The following UGGT2 variants were observed in gnomAD, a reference collection of about 807,000 sequenced individuals.
The protein encoded by UGGT2 is UDP-glucose:glycoprotein glucosyltransferase 2.
Under a neutral mutation model 192.1 loss-of-function variants are expected in UGGT2, and 180 were observed. The ratio of observed to expected loss-of-function variants is 0.94; its 90% CI spans 0.83 to 1.06. The LOEUF is 1.06. UGGT2 is among the 50% of genes least tolerant of loss of function. The pLI, the probability that UGGT2 is intolerant of heterozygous loss-of-function variation, is 0.00. For synonymous variants in UGGT2, 580 were observed against 591.0 expected (o/e 0.98, Z 0.27); for missense variants, 1,849 against 1,795.7 (o/e 1.03, Z -0.54).
At chr13:95,831,882 T>C (rs1886732539) in intron 38 of UGGT2, among the ~76,000 whole-genome samples, 1 of 151,944 alleles carries the variant, frequency 6.6e-6, no homozygotes, top group Non-Finnish European at 1.5e-5. Flanking sequence ...CCCTTTGTCA[T>C]CCTACTTCTC....
chr13:95,867,588 G>A (rs1020282450), intron 29 of UGGT2, among the ~76,000 whole-genome samples, 165 bp from the exon 30 acceptor site: 10 of 151,980 alleles, frequency 6.6e-5, no homozygotes, highest in African/African-American at 1.7e-4. Flanking sequence ...ATAATATGCT[G>A]TAATTTTCAA....
intron 4 of UGGT2, among the ~76,000 whole-genome samples, chr13:96,018,331 C>T (rs2052402296): frequency 2.0e-5 from 3 of 152,004 alleles, no homozygotes; most frequent in African/African-American, 4.8e-5. Context: ...GCCTGGGCAA[C>T]ATAGCAAGAC....
At chr13:95,949,703 T>C (rs1453400555) in intron 12 of UGGT2, among the ~76,000 whole-genome samples, 51 of 152,212 alleles carry the variant, frequency 3.4e-4, no homozygotes, top group Non-Finnish European at 2.9e-5. Context: ...TTGTTTTTCA[T>C]ATCCCAACGT....
At chr13:95,909,374 T>C (rs1185225889) in intron 20 of UGGT2, among the ~76,000 whole-genome samples, 2 of 151,500 alleles carry the variant, frequency 1.3e-5, no homozygotes, top group Non-Finnish European at 2.9e-5. Flanking sequence ...AATGATAGAC[T>C]GGATTAAGAA....
chr13:95,884,709 G>T, intron 26 of UGGT2, 29 bp from the exon 27 acceptor site: 1 of 1,565,288 alleles, frequency 6.4e-7, no homozygotes, highest in African/African-American at 1.4e-5. Context: ...AATACATAAT[G>T]TGACCAAAAC....
rs760427384 is a variant in UGGT2, at chr13:95,925,700, AAAG to A, written c.2272_2274del (p.Leu758del). 6 of 1,569,958 alleles carry A rather than the reference AAAG, an allele frequency of 3.8e-6. No homozygotes were observed. Among genetic ancestry groups the A allele is most frequent in the Admixed American group, 3.5e-5 (2 of 57,210 alleles). On this transcript the variant is annotated inframe_deletion, in exon 20 of 39. Coordinates refer to ENST00000376747, the MANE Select transcript of UGGT2 (RefSeq NM_020121.4). ...CTCACCATGTGCTTTAATGCATTAA[AAAG>A]AAGTTTTCTCCCAGAAGGCTTATCA... is the stretch of plus-strand genomic sequence containing the variant.
chr13:95,997,000 G>A (rs2051644144), intron 6 of UGGT2, among the ~76,000 whole-genome samples: 2 of 152,162 alleles, frequency 1.3e-5, no homozygotes, highest in Non-Finnish European at 2.9e-5. Context: ...CTCTTATAGT[G>A]TGTGGGGTGG....
rs116631171 is a variant in UGGT2 at position 95,947,348 on chromosome 13, C to T, written c.1542-176G>A. 4.4e-3 allele frequency among the ~76,000 whole-genome samples: 675 copies of T among 152,256 alleles called. 5 individuals carry two copies. The highest frequency in any genetic ancestry group is 0.016 in the African/African-American group (648 of 41,550). On this transcript the variant is annotated intron_variant, in intron 14 of 38. Coordinates refer to ENST00000376747, the MANE Select transcript of UGGT2 (RefSeq NM_020121.4). ...AATGTAATGCCTATTCACCAAAATC[C>T]ACATAGCTACTGGATTCCTATAAAA...
At chr13:96,023,181 C>T (rs759347491) in intron 3 of UGGT2, 29 bp from the exon 4 acceptor site, 3 of 1,519,870 alleles carry the variant, frequency 2.0e-6, no homozygotes, top group Non-Finnish European at 1.8e-6. Flanking sequence ...TATTTAGCTA[C>T]AGCAGTTGAT....
chr13:95,820,896 C>T (rs1885443813), intron 38 of UGGT2, among the ~76,000 whole-genome samples: 1 of 151,992 alleles, frequency 6.6e-6, no homozygotes, highest in South Asian at 2.1e-4. Context: ...AGAATAATGG[C>T]CACCCAGTTG....
intron 4 of UGGT2, 72 bp from the exon 5 acceptor site, chr13:96,013,553 T>C: frequency 2.9e-6 from 3 of 1,048,976 alleles, no homozygotes; most frequent in Non-Finnish European, 3.9e-6. Context: ...GTATAATTAC[T>C]GCTTATCAAA....
chr13:95,946,580 A>G (rs544982986), intron 15 of UGGT2, among the ~76,000 whole-genome samples: 3 of 151,986 alleles, frequency 2.0e-5, no homozygotes, highest in South Asian at 2.1e-4. Context: ...TGTGTTGCCT[A>G]TGCTGGTCTC....
chr13:95,850,211 CTT>C (rs374851640), intron 36 of UGGT2, among the ~76,000 whole-genome samples: 60 of 152,246 alleles, frequency 3.9e-4, no homozygotes, highest in African/African-American at 1.4e-3. Flanking sequence ...GGCTACCTTT[CTT>C]TCTGTACAAA....
At chr13:95,905,180 T>C (rs920691591) in intron 20 of UGGT2, among the ~76,000 whole-genome samples, 2 of 152,108 alleles carry the variant, frequency 1.3e-5, no homozygotes, top group Non-Finnish European at 2.9e-5. Flanking sequence ...GCATTCATTG[T>C]AGATTCTGGA....
At chr13:95,914,340 C>T (rs1217209004) in intron 20 of UGGT2, among the ~76,000 whole-genome samples, 3 of 151,700 alleles carry the variant, frequency 2.0e-5, no homozygotes, top group Non-Finnish European at 2.9e-5. Flanking sequence ...CTGGCATCCA[C>T]TTAAATTTAC....
chr13:95,849,172 T>G (rs374517681), intron 36 of UGGT2, among the ~76,000 whole-genome samples: 5 of 152,104 alleles, frequency 3.3e-5, no homozygotes, highest in Non-Finnish European at 7.4e-5. Context: ...AATGATATTA[T>G]TAAAAAGAAA....
At chr13:96,032,660 A>G (rs2052872843) in intron 1 of UGGT2, among the ~76,000 whole-genome samples, 1 of 152,222 alleles carries the variant, frequency 6.6e-6, no homozygotes, top group Admixed American at 6.5e-5. Context: ...TAAATATTTA[A>G]GCTAGAAACA....
intron 6 of UGGT2, among the ~76,000 whole-genome samples, 151 bp downstream of exon 6, chr13:95,999,055 AAATTT>A (rs2051714093): frequency 1.3e-5 from 2 of 152,218 alleles, no homozygotes; most frequent in South Asian, 2.1e-4. Flanking sequence ...TTTCAGCTGA[AAATTT>A]AATTCCAAAT....
chr13:95,844,986 T>C (rs1306072359), intron 36 of UGGT2, among the ~76,000 whole-genome samples: 2 of 152,070 alleles, frequency 1.3e-5, no homozygotes, highest in African/African-American at 2.4e-5. Flanking sequence ...GTGCTGAGAG[T>C]TTTAAATCAG....
Sources: gnomAD v4.1 joint callset for allele counts (sites outside exome capture counted in the v4.1 genomes callset) on GRCh38, gnomAD v4.1.1 for gene constraint, MANE v1.5 for transcripts, NCBI Gene and HGNC (gene_info 2026-07-23, HGNC 2026-07-21) for gene names.